PLEKHG6: variants seen among roughly 807,000 people sequenced by gnomAD.
The protein encoded by PLEKHG6 is pleckstrin homology and RhoGEF domain containing G6.
Under a neutral mutation model 97.5 loss-of-function variants are expected in PLEKHG6, and 91 were observed. That is an observed-to-expected ratio of 0.93 (90% CI 0.79 to 1.11). The LOEUF (loss-of-function observed/expected upper bound fraction) is 1.11, where lower values mean the gene tolerates loss of function less well. Among genes scored for constraint, PLEKHG6 ranks in the 50% most tolerant of loss-of-function variants. The pLI is 0.00. For missense variants in PLEKHG6, 1,044 were observed against 1,031.0 expected (o/e 1.01, Z -0.17); for synonymous variants, 466 against 425.5 (o/e 1.10, Z -1.17).
chr12:6,326,397 A>C, intron 13 of PLEKHG6, 31 bp from the exon 14 acceptor site: 1 of 1,590,156 alleles, frequency 6.3e-7, no homozygotes, highest in South Asian at 1.1e-5. Context: ...AATAAATGAG[A>C]GCTCTTAATA....
intron 13 of PLEKHG6, among the ~76,000 whole-genome samples, chr12:6,321,078 G>A (rs1182741951): frequency 6.6e-6 from 1 of 151,808 alleles, no homozygotes; most frequent in Non-Finnish European, 1.5e-5. Flanking sequence ...AGAGTGCAGT[G>A]GCATGATCAC....
intron 2 of PLEKHG6, among the ~76,000 whole-genome samples, chr12:6,313,345 T>C (rs888541725): frequency 2.0e-5 from 3 of 152,184 alleles, no homozygotes; most frequent in Non-Finnish European, 4.4e-5. Flanking sequence ...CAGGCATGTG[T>C]GTGCTGTGCA....
chr12:6,326,418 C>CCTGT lies in PLEKHG6; in HGVS notation c.1525-8_1525-5dup, dbSNP rs1947857639. 6.2e-7 allele frequency: 1 copy of CCTGT among 1,612,382 alleles called. No homozygotes were observed. Among genetic ancestry groups the CCTGT allele is most frequent in the Non-Finnish European group, 8.5e-7 (1 of 1,178,650 alleles). On this transcript the variant is annotated splice_polypyrimidine_tract_variant and intron_variant, in intron 13 of 15. Coordinates refer to ENST00000684764, the MANE Select transcript of PLEKHG6 (RefSeq NM_001384598.1). Reference sequence around the variant, plus strand: ...TGAGAGCTCTTAATAACGAAAGTGTCCTGTCCCAGGCCGCCCTACAGAAGC... The same window carrying CCTGT: ...TGAGAGCTCTTAATAACGAAAGTGTCCTGTCTGTCCCAGGCCGCCCTACAGAAGC...
intron 3 of PLEKHG6, among the ~76,000 whole-genome samples, chr12:6,314,446 G>T (rs1947381588): frequency 6.6e-6 from 1 of 152,076 alleles, no homozygotes; most frequent in African/African-American, 2.4e-5. Context: ...GGTGGAGGTT[G>T]CAGTGAGCCG....
chr12:6,316,234 C>A lies in PLEKHG6; in HGVS notation c.607-21C>A. 1.3e-6 allele frequency: 2 copies of A among 1,539,504 alleles called. No homozygotes were observed. Among genetic ancestry groups the A allele is most frequent in the South Asian group, 1.2e-5 (1 of 82,340 alleles). ...GGGGACCTTCCAAAAGTGTGCTGCT[C>A]AGCTCTGCTCCCTCCTCCAGGTGTC... On this transcript the variant is annotated intron_variant, in intron 6 of 15. Transcript: ENST00000684764. This position sits in a 1 kb window ranked among gnomAD's most constrained non-coding sequence, Gnocchi z 4.1.
chr12:6,327,419 C>T lies in PLEKHG6; in HGVS notation c.1836C>T (p.Ala612=). The T allele has an allele frequency of 1.9e-6, 3 of 1,614,098 alleles. No homozygotes were observed. The highest frequency in any genetic ancestry group is 2.7e-5 in the African/African-American group (2 of 75,054). Reference sequence around the variant, plus strand: ...CACTGAGCCGTCTACGCCAAAGAGCCCTTCGGCGGGACCCTCGCCTCACCT... The same window carrying T: ...CACTGAGCCGTCTACGCCAAAGAGCTCTTCGGCGGGACCCTCGCCTCACCT... ...RSPLSRLRQR[A]LRRDPRLTFS... is the part of the protein sequence containing the mutation. The change falls in exon 15 of 16, where the codon GCC becomes GCT. Residue 612 remains alanine, a synonymous_variant. Coordinates refer to ENST00000684764, the MANE Select transcript of PLEKHG6 (RefSeq NM_001384598.1).
rs554747361 is a variant in PLEKHG6 at position 6,318,356 on chromosome 12, C to G, written c.1211C>G (p.Ser404Cys). Residue 404 changes from serine (S) to cysteine (C), a missense_variant, in exon 11 of 16, where the codon TCT becomes TGT. Coordinates refer to ENST00000684764, the MANE Select transcript of PLEKHG6 (RefSeq NM_001384598.1). ...ACGTCCCCCATGCTGGGGGTTGCAT[C>G]TGAGCACACCAGACAGCTGCTGCTG... ...DLTSPMLGVA[S>C]EHTRQLLLEG... The G allele has an allele frequency of 1.2e-6, 2 of 1,613,954 alleles. No individual in the cohort carries two copies. The highest frequency in any genetic ancestry group is 3.3e-5 in the Admixed American group (2 of 59,982).
rs1198718626 is a variant in PLEKHG6 at position 6,318,010 on chromosome 12, G to A, written c.1155+16G>A. 1 of 1,578,114 alleles carries A rather than the reference G, an allele frequency of 6.3e-7. No homozygotes were observed. The highest frequency in any genetic ancestry group is 8.6e-7 in the Non-Finnish European group (1 of 1,160,884). On this transcript the variant is annotated intron_variant, in intron 10 of 15. Coordinates refer to ENST00000684764, the MANE Select transcript of PLEKHG6 (RefSeq NM_001384598.1). ...GGTGGAGAAGGTGAGAGGGCAAAGG[G>A]AAGGGACCCAGGAAAAGCAAGGTCC...
At chr12:6,321,919 G>C (rs1338328462) in intron 13 of PLEKHG6, among the ~76,000 whole-genome samples, 2 of 151,750 alleles carry the variant, frequency 1.3e-5, no homozygotes, top group Non-Finnish European at 2.9e-5. Context: ...TCCAGGTTCA[G>C]ACACCGGTCC....
chr12:6,317,388 AC>A lies in PLEKHG6; in HGVS notation c.845del (p.Pro282LeufsTer55). The A allele has an allele frequency of 6.2e-7, 1 of 1,613,796 alleles. No individual in the cohort carries two copies. Among genetic ancestry groups the A allele is most frequent in the Non-Finnish European group, 8.5e-7 (1 of 1,179,830 alleles). ...MAYAREQQET[N>X]PLFHAFVQWC... ...TACGCCCGAGAACAGCAAGAAACTA[AC>A]CCTCTCTTCCATGCCTTCGTGCAGG... is the stretch of plus-strand genomic sequence containing the variant. On this transcript the variant is annotated frameshift_variant, in exon 8 of 16. Coordinates refer to ENST00000684764, the MANE Select transcript of PLEKHG6 (RefSeq NM_001384598.1). LOFTEE classifies it high-confidence loss of function.
At chr12:6,320,672 CTT>C (rs890946324) in intron 13 of PLEKHG6, among the ~76,000 whole-genome samples, 1 of 152,160 alleles carries the variant, frequency 6.6e-6, no homozygotes, top group African/African-American at 2.4e-5. Context: ...TGCGAAGACT[CTT>C]TTTCGAAATC....
chr12:6,315,102 T>C lies in PLEKHG6; in HGVS notation c.392T>C (p.Ile131Thr). ...LPPEDRRHWE[I>T]GEGGDSGLTI... Reference sequence around the variant, plus strand: ...CCTGAGGACCGGCGGCACTGGGAGATAGGAGAGGGTGGCGACAGTGGCCTG... The same window carrying C: ...CCTGAGGACCGGCGGCACTGGGAGACAGGAGAGGGTGGCGACAGTGGCCTG... The change falls in exon 4 of 16, where the codon ATA becomes ACA. Residue 131 changes from isoleucine (I) to threonine (T), a missense_variant. By Grantham distance (89) the Ile-to-Thr change is moderately conservative. Transcript: ENST00000684764. The surrounding 1 kb of genome is among the most constrained non-coding windows in gnomAD (Gnocchi z 4.5). The C allele has an allele frequency of 2.5e-6, 4 of 1,612,704 alleles. No homozygotes were observed. Among genetic ancestry groups the C allele is most frequent in the Non-Finnish European group, 3.4e-6 (4 of 1,179,850 alleles).
Position 6,312,237 on chromosome 12 carries a change from T to C in PLEKHG6, c.11T>C (p.Phe4Ser). The C allele has an allele frequency of 6.6e-7, 1 of 1,523,846 alleles. No individual in the cohort carries two copies. Among genetic ancestry groups the C allele is most frequent in the Middle Eastern group, 1.7e-4 (1 of 5,746 alleles). The allele number at this position is 1,523,846 out of a possible 1,614,324, so 94.4% of individuals were successfully genotyped here. A position where few individuals can be genotyped will look rare whatever the true frequency, so the allele number is the denominator to read the frequency against. The stretch of plus-strand genomic sequence containing the variant: ...CCCAGGAGAGAAGGGATGAAGGCCT[T>C]TGGTCCTCCACATGAGGGCCCCCTC... MKA[F>S]GPPHEGPLQG... Residue 4 changes from phenylalanine (F) to serine (S), a missense_variant, in exon 2 of 16, where the codon TTT (phenylalanine) becomes TCT (serine). Coordinates refer to ENST00000684764, the MANE Select transcript of PLEKHG6 (RefSeq NM_001384598.1).
chr12:6,317,143 G>A (rs1018770291), intron 7 of PLEKHG6, among the ~76,000 whole-genome samples, 160 bp from the exon 8 acceptor site: 4 of 152,240 alleles, frequency 2.6e-5, no homozygotes, highest in Non-Finnish European at 5.9e-5. Context: ...GTAGCCTCGA[G>A]AGCATTCCTG....
intron 13 of PLEKHG6, chr12:6,319,649 G>C (rs1425452752): frequency 3.3e-6 from 5 of 1,535,958 alleles, no homozygotes; most frequent in Non-Finnish European, 4.4e-6. Context: ...CACTGGGAGA[G>C]CCCAAGATAC....
At position 6,322,000 on chromosome 12, in the gene PLEKHG6, AAACAG is replaced by A. The variant is rs879653407; in HGVS notation, c.1524+2894_1524+2898del. Among the ~76,000 whole-genome samples the A allele has an allele frequency of 2.2e-3, 335 of 152,230 alleles. 2 individuals carry two copies. The highest frequency in any genetic ancestry group is 4.0e-3 in the Non-Finnish European group (274 of 68,002). On this transcript the variant is annotated intron_variant, in intron 13 of 15. Transcript: ENST00000684764. Reference sequence around the variant, plus strand: ...CTCAACTTCAATTTCGTCATCTGCAAAACAGATATACACAATGACTACCTGCTTCC... The same window carrying A: ...CTCAACTTCAATTTCGTCATCTGCAAATATACACAATGACTACCTGCTTCC...
intron 2 of PLEKHG6, 85 bp from the exon 3 acceptor site, chr12:6,313,544 A>T: frequency 6.7e-7 from 1 of 1,498,334 alleles, no homozygotes; most frequent in East Asian, 2.3e-5. Context: ...AACAACATCT[A>T]GAGCCAAGCC....
rs1947573357 is a variant in PLEKHG6 at position 6,318,498 on chromosome 12, G to A, written c.1275+78G>A. 5.3e-6 allele frequency: 8 copies of A among 1,501,872 alleles called. No homozygotes were observed. In the South Asian group the frequency reaches 1.0e-4, roughly 20 times the overall value. The allele number at this position is 1,501,872 out of a possible 1,614,324, so 93.0% of individuals were successfully genotyped here. A position where few individuals can be genotyped will look rare whatever the true frequency, so the allele number is the denominator to read the frequency against. ...AGAGGCAGAAACGCCGGAAGTGGGA[G>A]AAGAGGGGTTTGGGGAAGAGGATGT... On this transcript the variant is annotated intron_variant, in intron 11 of 15. Coordinates refer to ENST00000684764, the MANE Select transcript of PLEKHG6 (RefSeq NM_001384598.1).
Position 6,328,291 on chromosome 12 carries a change from T to C in PLEKHG6, c.*146T>C. The stretch of plus-strand genomic sequence containing the variant: ...CCCAGGCACCCTGCCTCCTGCTCTG[T>C]TTGGGGATCAAGAACTGTAAATTTA... On this transcript the variant is annotated 3_prime_UTR_variant, in exon 16 of 16. Coordinates refer to ENST00000684764, the MANE Select transcript of PLEKHG6 (RefSeq NM_001384598.1). The C allele has an allele frequency of 2.7e-6, 2 of 727,906 alleles. No individual in the cohort carries two copies. Among genetic ancestry groups the C allele is most frequent in the Non-Finnish European group, 4.7e-6 (2 of 424,040 alleles). 45.1% of individuals were successfully genotyped at this position (727,906 alleles called of 1,614,324 possible).
Sources: gnomAD v4.1 joint callset for allele counts (sites outside exome capture counted in the v4.1 genomes callset) on GRCh38, gnomAD v4.1.1 for gene constraint, Gnocchi (gnomAD v3.1) non-coding constraint, MANE v1.5 for transcripts, NCBI Gene and HGNC (gene_info 2026-07-23, HGNC 2026-07-21) for gene names.